TMPRSS11A: variants seen among roughly 807,000 people sequenced by gnomAD.
The protein encoded by TMPRSS11A is transmembrane serine protease 11A, also known as transmembrane protease serine 11A.
A neutral mutation model predicts 58.9 loss-of-function variants in TMPRSS11A; 53 were observed. That is an observed-to-expected ratio of 0.90 (90% CI 0.72 to 1.13). The LOEUF (loss-of-function observed/expected upper bound fraction) is 1.13. Ranked by LOEUF, TMPRSS11A falls within the 50% of genes most tolerant of loss-of-function variation. The probability of loss-of-function intolerance (pLI) is 0.00; values close to 1 mark genes in which losing one functional copy is unlikely to be tolerated. For missense variants in TMPRSS11A, 493 were observed against 499.3 expected, an observed-to-expected ratio of 0.99 and a Z score of 0.12; for synonymous variants, 167 against 169.8, an observed-to-expected ratio of 0.98 and a Z score of 0.13.
intron 9 of TMPRSS11A, among the ~76,000 whole-genome samples, chr4:67,911,965 G>A (rs185779324): frequency 1.2e-3 from 176 of 152,040 alleles, no homozygotes; most frequent in South Asian, 3.5e-3. Context: ...CAACTTCTTT[G>A]CAACTTTTCC....
At chr4:67,932,924 C>T (rs1720665014) in intron 3 of TMPRSS11A, among the ~76,000 whole-genome samples, 1 of 152,104 alleles carries the variant, frequency 6.6e-6, no homozygotes, top group African/African-American at 2.4e-5. Context: ...TATTGTGATG[C>T]TGTGGTCTCT....
At chr4:67,962,952 C>T (rs181052272) in intron 1 of TMPRSS11A, among the ~76,000 whole-genome samples, 7 of 152,140 alleles carry the variant, frequency 4.6e-5, no homozygotes, top group Admixed American at 2.0e-4. Flanking sequence ...CTGCATTAGT[C>T]CCACAAGGAC....
Position 67,914,637 on chromosome 4 carries a change from G to A in TMPRSS11A, c.1046C>T (p.Pro349Leu). The A allele has an allele frequency of 6.2e-7, 1 of 1,613,598 alleles. No homozygotes were observed. Among genetic ancestry groups the A allele is most frequent in the Non-Finnish European group, 8.5e-7 (1 of 1,179,746 alleles). ...QPQVYGNDIK[P>L]GMFCAGYMEG... ...CATATATCCGGCACAGAACATTCCAGGTTTTATATCATTGCCATACACCTG... is the reference window on the plus strand; with the variant it reads ...CATATATCCGGCACAGAACATTCCAAGTTTTATATCATTGCCATACACCTG... The change falls in exon 9 of 10, where the codon CCT becomes CTT. Residue 349 changes from proline to leucine, a missense_variant. By Grantham distance (98) the Pro-to-Leu change is moderately conservative. Coordinates refer to ENST00000508048, the MANE Select transcript of TMPRSS11A (RefSeq NM_001114387.2).
chr4:67,940,374 T>C (rs1397775454), intron 3 of TMPRSS11A, among the ~76,000 whole-genome samples: 1 of 152,142 alleles, frequency 6.6e-6, no homozygotes, highest in South Asian at 2.1e-4. Context: ...CCTTTTTTTT[T>C]CCTTTTGGCT....
chr4:67,955,625 C>T (rs1330667989), intron 1 of TMPRSS11A, among the ~76,000 whole-genome samples: 1 of 152,154 alleles, frequency 6.6e-6, no homozygotes, highest in Non-Finnish European at 1.5e-5. Flanking sequence ...TTGTCTGTCT[C>T]AGGATCCATT....
At chr4:67,946,637 T>C in intron 1 of TMPRSS11A, 66 bp from the exon 2 acceptor site, 2 of 1,500,200 alleles carry the variant, frequency 1.3e-6, no homozygotes, top group Non-Finnish European at 1.8e-6. Flanking sequence ...CCAGCTCTCC[T>C]TAGACAAGTT....
rs1721418705 is a variant in TMPRSS11A at position 67,961,482 on chromosome 4, C to CTTTTTTTTTTTTTTTTT, written c.11+1900_11+1901insAAAAAAAAAAAAAAAAA. Among the ~76,000 whole-genome samples the CTTTTTTTTTTTTTTTTT allele has an allele frequency of 2.9e-5, 3 of 102,454 alleles. 1 individual carries two copies. The highest frequency in any genetic ancestry group is 1.4e-4 in the African/African-American group (3 of 20,958). 67.2% of individuals were successfully genotyped at this position (102,454 alleles called of 152,430 possible). A position where few individuals can be genotyped will look rare whatever the true frequency, so the allele number is the denominator to read the frequency against. On this transcript the variant is annotated intron_variant, in intron 1 of 9. Coordinates refer to ENST00000508048, the MANE Select transcript of TMPRSS11A (RefSeq NM_001114387.2). ...CTTTTCTTTCCTTTCCTTTTCTTTT[C>CTTTTTTTTTTTTTTTTT]CTTTTTTTTTTTTTTTTTTTTTTTT...
chr4:67,958,748 G>C (rs1430088048), intron 1 of TMPRSS11A, among the ~76,000 whole-genome samples: 5 of 152,110 alleles, frequency 3.3e-5, no homozygotes, highest in African/African-American at 1.2e-4. Context: ...GGGGCCAGGG[G>C]CAAAATGATA....
intron 1 of TMPRSS11A, among the ~76,000 whole-genome samples, chr4:67,947,342 C>T (rs1057137902): frequency 6.6e-6 from 1 of 152,144 alleles, no homozygotes. Flanking sequence ...ATGCAGTGCA[C>T]TTGTTTGTTA....
At chr4:67,951,941 G>C (rs753064385) in intron 1 of TMPRSS11A, among the ~76,000 whole-genome samples, 1 of 152,090 alleles carries the variant, frequency 6.6e-6, no homozygotes, top group Non-Finnish European at 1.5e-5. Context: ...GGAAATTGTG[G>C]TTCTTTTTGA....
Position 67,963,397 on chromosome 4 carries a change from CAG to C in TMPRSS11A, c.-6_-5del, listed in dbSNP as rs1721487986. On this transcript the variant is annotated 5_prime_UTR_variant, in exon 1 of 10. Coordinates refer to ENST00000508048, the MANE Select transcript of TMPRSS11A (RefSeq NM_001114387.2). ...ACTGAACTTACCGATACATCATGTACAGGAGGAAGAATATGATCTTGCAGGTC... is the reference window on the plus strand; with the variant it reads ...ACTGAACTTACCGATACATCATGTACGAGGAAGAATATGATCTTGCAGGTC... The C allele has an allele frequency of 6.2e-6, 10 of 1,613,610 alleles. No individual in the cohort carries two copies. Among genetic ancestry groups the C allele is most frequent in the Non-Finnish European group, 8.5e-6 (10 of 1,179,814 alleles).
At chr4:67,953,620 G>A (rs939971113) in intron 1 of TMPRSS11A, among the ~76,000 whole-genome samples, 3 of 152,076 alleles carry the variant, frequency 2.0e-5, no homozygotes, top group African/African-American at 7.2e-5. Flanking sequence ...CCAACATGGA[G>A]AAACCCCGTC....
intron 3 of TMPRSS11A, among the ~76,000 whole-genome samples, chr4:67,943,178 G>C (rs1388458317): frequency 1.3e-5 from 2 of 152,054 alleles, no homozygotes; most frequent in Non-Finnish European, 2.9e-5. Context: ...CACATGCTTA[G>C]GTGAAACTTA....
At chr4:67,926,488 G>A (rs192057537) in intron 5 of TMPRSS11A, among the ~76,000 whole-genome samples, 54 of 152,334 alleles carry the variant, frequency 3.5e-4, no homozygotes, top group South Asian at 2.1e-3. Flanking sequence ...TAGCAGGAGC[G>A]GATGCGGGAG....
intron 1 of TMPRSS11A, among the ~76,000 whole-genome samples, chr4:67,963,072 C>A (rs900976484): frequency 3.9e-5 from 6 of 152,144 alleles, no homozygotes; most frequent in African/African-American, 1.4e-4. Flanking sequence ...CACCCTCCTT[C>A]CACACACACA....
At chr4:67,946,641 A>T in intron 1 of TMPRSS11A, 70 bp from the exon 2 acceptor site, 2 of 1,491,872 alleles carry the variant, frequency 1.3e-6, no homozygotes, top group South Asian at 1.4e-5. Flanking sequence ...CTCTCCTTAG[A>T]CAAGTTCAAG....
rs144830079 is a variant in TMPRSS11A, at chr4:67,937,436, A to G, written c.253-5376T>C. 2.4e-3 allele frequency among the ~76,000 whole-genome samples: 359 copies of G among 152,338 alleles called. 1 individual carries two copies. The highest frequency in any genetic ancestry group is 4.4e-3 in the Non-Finnish European group (297 of 68,028). On this transcript the variant is annotated intron_variant, in intron 3 of 9. Coordinates refer to ENST00000508048, the MANE Select transcript of TMPRSS11A (RefSeq NM_001114387.2). Reference sequence around the variant, plus strand: ...AAGAAAAAGTTAGCTAGCACAGCATAGAGGATTTATAATCTTCATGGATTT... The same window carrying G: ...AAGAAAAAGTTAGCTAGCACAGCATGGAGGATTTATAATCTTCATGGATTT...
At chr4:67,934,212 C>A (rs1414856722) in intron 3 of TMPRSS11A, among the ~76,000 whole-genome samples, 1 of 152,042 alleles carries the variant, frequency 6.6e-6, no homozygotes, top group Non-Finnish European at 1.5e-5. Context: ...AGTCTGAGGA[C>A]AACGCTTTGA....
chr4:67,922,805 G>A lies in TMPRSS11A; in HGVS notation c.642C>T (p.Ala214=). 1 of 1,614,100 alleles carries A rather than the reference G, an allele frequency of 6.2e-7. No individual in the cohort carries two copies. Among genetic ancestry groups the A allele is most frequent in the Non-Finnish European group, 8.5e-7 (1 of 1,180,016 alleles). The change falls in exon 7 of 10, where the codon GCC becomes GCT. Residue 214 remains alanine (A), a synonymous_variant. Coordinates refer to ENST00000508048, the MANE Select transcript of TMPRSS11A (RefSeq NM_001114387.2). ...LQYDNIHQCG[A]TLISNTWLVT... ...CAAGCCATGTGTTACTAATCAAGGTGGCCCCACACTGATGGATGTTATCAT... is the reference window on the plus strand; with the variant it reads ...CAAGCCATGTGTTACTAATCAAGGTAGCCCCACACTGATGGATGTTATCAT...
Sources: gnomAD v4.1 joint callset for allele counts (sites outside exome capture counted in the v4.1 genomes callset) on GRCh38, gnomAD v4.1.1 for gene constraint, MANE v1.5 for transcripts, NCBI Gene and HGNC (gene_info 2026-07-23, HGNC 2026-07-21) for gene names.